The following KCNK13 variants were observed in gnomAD, a reference collection of about 807,000 sequenced individuals.
KCNK13 encodes the protein potassium channel subfamily K member 13.
Under a neutral mutation model 23.4 loss-of-function variants are expected in KCNK13, and 12 were observed. That is an observed-to-expected ratio of 0.51 (90% CI 0.33 to 0.83). The LOEUF (loss-of-function observed/expected upper bound fraction) is 0.83, where lower values mean the gene tolerates loss of function less well. Among genes scored for constraint, KCNK13 ranks in the 40% least tolerant of loss-of-function variants. The probability of loss-of-function intolerance (pLI) is 0.02; values close to 1 mark genes in which losing one functional copy is unlikely to be tolerated. For synonymous variants in KCNK13, 231 were observed against 229.5 expected (o/e 1.01, Z -0.06); for missense variants, 463 against 556.3 (o/e 0.83, Z 1.69).
At chr14:90,065,494 G>A (rs1377195420) in intron 1 of KCNK13, among the ~76,000 whole-genome samples, 3 of 152,194 alleles carry the variant, frequency 2.0e-5, no homozygotes, top group Non-Finnish European at 2.9e-5. Flanking sequence ...AAAGTGAATC[G>A]AGGAAGGAAA....
At chr14:90,165,243 G>A (rs1046894544) in intron 1 of KCNK13, among the ~76,000 whole-genome samples, 33 of 152,278 alleles carry the variant, frequency 2.2e-4, no homozygotes, top group African/African-American at 7.5e-4. Context: ...GCGGGGACAC[G>A]GCCAAACCAT....
At chr14:90,087,448 TG>T (rs932118486) in intron 1 of KCNK13, among the ~76,000 whole-genome samples, 5 of 152,146 alleles carry the variant, frequency 3.3e-5, no homozygotes, top group African/African-American at 1.2e-4. Flanking sequence ...TTCCCCAGAC[TG>T]CCAAAGGCTC....
At chr14:90,071,760 TG>T (rs1889077697) in intron 1 of KCNK13, among the ~76,000 whole-genome samples, 1 of 151,904 alleles carries the variant, frequency 6.6e-6, no homozygotes, top group African/African-American at 2.4e-5. Context: ...TAGCTGGGTG[TG>T]GTTATGCACG....
At chr14:90,160,235 G>T (rs1157191584) in intron 1 of KCNK13, among the ~76,000 whole-genome samples, 2 of 152,130 alleles carry the variant, frequency 1.3e-5, no homozygotes, top group Non-Finnish European at 2.9e-5. Flanking sequence ...TGCTTTCGTT[G>T]CCTCAAAACC....
intron 1 of KCNK13, among the ~76,000 whole-genome samples, chr14:90,162,762 T>C (rs1890265005): frequency 6.6e-6 from 1 of 152,068 alleles, no homozygotes; most frequent in Non-Finnish European, 1.5e-5. Context: ...AGAGCCACAA[T>C]AAAAGAAATT....
intron 1 of KCNK13, among the ~76,000 whole-genome samples, chr14:90,110,451 G>C (rs1426757340): frequency 1.3e-5 from 2 of 150,972 alleles, no homozygotes; most frequent in East Asian, 3.9e-4. Context: ...CAGCACTCCA[G>C]CCTGGGCGAC....
intron 1 of KCNK13, among the ~76,000 whole-genome samples, chr14:90,137,476 A>G (rs1372138967): frequency 6.6e-6 from 1 of 151,942 alleles, no homozygotes; most frequent in Non-Finnish European, 1.5e-5. Flanking sequence ...GCCCGCCAAC[A>G]CGGCAGCCTA....
intron 1 of KCNK13, among the ~76,000 whole-genome samples, chr14:90,123,319 C>T (rs1415301636): frequency 6.6e-6 from 1 of 152,180 alleles, no homozygotes; most frequent in Non-Finnish European, 1.5e-5. Flanking sequence ...TCATCTGAGA[C>T]CTCTCTCCTT....
intron 1 of KCNK13, among the ~76,000 whole-genome samples, chr14:90,164,006 TA>T (rs1338215534): frequency 6.6e-6 from 1 of 152,200 alleles, no homozygotes; most frequent in African/African-American, 2.4e-5. Context: ...TTTCTATGTT[TA>T]AAAGTCACTT....
chr14:90,099,263 G>C (rs776706759), intron 1 of KCNK13, among the ~76,000 whole-genome samples: 1 of 152,102 alleles, frequency 6.6e-6, no homozygotes, highest in Non-Finnish European at 1.5e-5. Context: ...GAACTTTCAC[G>C]TGAGGAATGT....
chr14:90,079,617 G>A (rs779106077), intron 1 of KCNK13, among the ~76,000 whole-genome samples: 1 of 152,158 alleles, frequency 6.6e-6, no homozygotes, highest in Non-Finnish European at 1.5e-5. Flanking sequence ...TCTGGATGGG[G>A]CACAAATAGT....
intron 1 of KCNK13, among the ~76,000 whole-genome samples, chr14:90,164,742 T>C (rs1025368843): frequency 6.6e-6 from 1 of 152,212 alleles, no homozygotes; most frequent in Non-Finnish European, 1.5e-5. Context: ...TCATTTTGTA[T>C]CCCTGGGCCA....
intron 1 of KCNK13, among the ~76,000 whole-genome samples, chr14:90,089,304 T>C (rs1009168806): frequency 6.6e-6 from 1 of 152,228 alleles, no homozygotes; most frequent in African/African-American, 2.4e-5. Flanking sequence ...TGTTGGGAAC[T>C]GGAGCAAAGA....
intron 1 of KCNK13, among the ~76,000 whole-genome samples, chr14:90,148,608 G>T (rs1365085100): frequency 6.6e-6 from 1 of 152,234 alleles, no homozygotes; most frequent in Non-Finnish European, 1.5e-5. Flanking sequence ...GGTGCAGAGT[G>T]ACAAGGTGCC....
At chr14:90,113,205 C>G (rs929870737) in intron 1 of KCNK13, among the ~76,000 whole-genome samples, 23 of 151,986 alleles carry the variant, frequency 1.5e-4, no homozygotes, top group Non-Finnish European at 3.1e-4. Context: ...CAGGCATGAG[C>G]CATTGCACCT....
intron 1 of KCNK13, among the ~76,000 whole-genome samples, chr14:90,073,972 A>G (rs1889106413): frequency 6.8e-6 from 1 of 146,258 alleles, no homozygotes; most frequent in Non-Finnish European, 1.5e-5. Flanking sequence ...ACTGCGCCCG[A>G]CCAAGATTTT....
chr14:90,101,944 C>T (rs561060651), intron 1 of KCNK13, among the ~76,000 whole-genome samples: 4 of 151,556 alleles, frequency 2.6e-5, no homozygotes, highest in Non-Finnish European at 4.4e-5. Context: ...AGTGCAATGG[C>T]GCGAACTTGG....
rs202176174 is a variant in KCNK13, at chr14:90,184,321, G to A, written c.545G>A (p.Cys182Tyr). Residue 182 changes from cysteine to tyrosine, a missense_variant, in exon 2 of 2, where the codon TGT (cysteine) becomes TAT (tyrosine). Around this residue, in one of 3 missense-constraint regions of KCNK13, gnomAD observed 144 missense variants for 224.0 expected, o/e 0.64. Transcript: ENST00000282146. The surrounding 1 kb of genome is among the most constrained non-coding windows in gnomAD (Gnocchi z 5.6). ...PQESLKDAGQ[C>Y]EVDSLAGWKP... ...GAGAGCCTGAAGGATGCGGGGCAGTGTGAGGTGGACAGCCTGGCCGGCTGG... is the reference window on the plus strand; with the variant it reads ...GAGAGCCTGAAGGATGCGGGGCAGTATGAGGTGGACAGCCTGGCCGGCTGG... 43 of 1,614,134 alleles carry A rather than the reference G, an allele frequency of 2.7e-5. 1 individual carries two copies. Among genetic ancestry groups the A allele is most frequent in the Non-Finnish European group, 3.0e-5 (35 of 1,180,052 alleles).
chr14:90,063,790 T>A (rs1888975119), intron 1 of KCNK13, among the ~76,000 whole-genome samples: 1 of 152,158 alleles, frequency 6.6e-6, no homozygotes, highest in African/African-American at 2.4e-5. Context: ...CAGGTCAGAT[T>A]CATCATGAAA....
Sources: allele counts gnomAD v4.1 joint callset (sites outside exome capture counted in the v4.1 genomes callset), GRCh38; gene constraint gnomAD v4.1.1; regional missense constraint gnomAD v4.1.1; non-coding constraint Gnocchi (gnomAD v3.1); transcripts MANE v1.5; gene names NCBI Gene and HGNC (gene_info 2026-07-23, HGNC 2026-07-21).